The following DCAF7 variants were observed in gnomAD, a reference collection of about 807,000 sequenced individuals.
The protein encoded by DCAF7 is DDB1 and CUL4 associated factor 7, also known as DDB1- and CUL4-associated factor 7.
DCAF7 carries 4 observed loss-of-function variants against 41.2 expected under a neutral mutation model. The observed-to-expected ratio is 0.10, with a 90% CI of 0.05 to 0.22. The LOEUF (loss-of-function observed/expected upper bound fraction) is 0.22, where lower values mean the gene tolerates loss of function less well. DCAF7 is among the 10% of genes least tolerant of loss of function. DCAF7 has a pLI of 1.00. For synonymous variants in DCAF7, 143 were observed against 164.2 expected (o/e 0.87, Z 0.99); for missense variants, 131 against 443.2 (o/e 0.30, Z 6.32).
At chr17:63,578,763 A>G (rs554807594) in intron 2 of DCAF7, 135 bp downstream of exon 2, 679 of 1,254,826 alleles carry the variant, frequency 5.4e-4, no homozygotes, top group Admixed American at 2.5e-3. Flanking sequence ...AGCGAAGCTT[A>G]AATGGACTGG....
intron 1 of DCAF7, among the ~76,000 whole-genome samples, chr17:63,555,793 A>G (rs1164991133): frequency 6.6e-6 from 1 of 152,364 alleles, no homozygotes; most frequent in East Asian, 1.9e-4. Context: ...AATGCTTTAA[A>G]AAAAAATGCT....
At chr17:63,561,822 AT>A (rs1050220655) in intron 1 of DCAF7, among the ~76,000 whole-genome samples, 2 of 152,138 alleles carry the variant, frequency 1.3e-5, no homozygotes, top group African/African-American at 4.8e-5. Flanking sequence ...TAGAAAAAAA[AT>A]TTTTTTAAGT....
Position 63,562,397 on chromosome 17 carries a change from T to TAA in DCAF7, c.138+11582_138+11583insAA, listed in dbSNP as rs562425208. On this transcript the variant is annotated intron_variant, in intron 1 of 6. Transcript: ENST00000614556. ...GGGGGTGCGCACGGACACTCATTAA[T>TAA]TAATTCCAGAGTCAACAAAGGAAAA... Among the ~76,000 whole-genome samples the TAA allele has an allele frequency of 2.8e-3, 420 of 152,330 alleles. 3 individuals carry two copies. Among genetic ancestry groups the TAA allele is most frequent in the African/African-American group, 9.4e-3 (391 of 41,572 alleles).
intron 1 of DCAF7, among the ~76,000 whole-genome samples, chr17:63,564,715 G>A (rs189907003): frequency 2.6e-5 from 4 of 152,356 alleles, no homozygotes; most frequent in African/African-American, 9.6e-5. Flanking sequence ...AGAGAGCCAT[G>A]GGACATGTCT....
At chr17:63,581,316 T>A (rs2147775627) in intron 4 of DCAF7, among the ~76,000 whole-genome samples, 1 of 152,320 alleles carries the variant, frequency 6.6e-6, no homozygotes, top group East Asian at 1.9e-4. Context: ...CTTAAGTATT[T>A]GAACTGCAGG....
chr17:63,557,799 A>G (rs1352382074), intron 1 of DCAF7, among the ~76,000 whole-genome samples: 16 of 152,246 alleles, frequency 1.1e-4, no homozygotes, highest in Admixed American at 6.5e-5. Flanking sequence ...GATAAGTTCA[A>G]ATTGGCATGA....
At chr17:63,580,507 C>CTTT (rs530801174) in intron 4 of DCAF7, among the ~76,000 whole-genome samples, 23 of 43,896 alleles carry the variant, frequency 5.2e-4, no homozygotes, top group Non-Finnish European at 6.8e-4. Flanking sequence ...TTTGTGATTG[C>CTTT]TTTTTTTTTT....
In DCAF7 at chr17:63,570,601, G is replaced by A. The variant is rs536434453; in HGVS notation, c.139-7869G>A. Among the ~76,000 whole-genome samples, 35 of 152,152 alleles carry A rather than the reference G, an allele frequency of 2.3e-4. 1 individual carries two copies. Among genetic ancestry groups the A allele is most frequent in the Non-Finnish European group, 1.2e-4 (8 of 68,028 alleles). The stretch of plus-strand genomic sequence containing the variant: ...AAACAGGCATTTGCATAGTTAGGTG[G>A]TAAGAGTGTAAATTGCAAGGCAAGT... On this transcript the variant is annotated intron_variant, in intron 1 of 6. Coordinates refer to ENST00000614556, the MANE Select transcript of DCAF7 (RefSeq NM_005828.5).
At chr17:63,579,530 T>C in intron 3 of DCAF7, 82 bp downstream of exon 3, 1 of 1,034,256 alleles carries the variant, frequency 9.7e-7, no homozygotes, top group Non-Finnish European at 1.4e-6. Flanking sequence ...CCATACATCC[T>C]AGAACAAGGC....
In DCAF7 at chr17:63,550,536, G is replaced by A. The variant is rs2033236670; in HGVS notation, c.-142G>A. ...TCGGGCTCGGCCGTCGTCGTTGTTT[G>A]TCGCCGCATCCCCGCTTCCGGGTTA... On this transcript the variant is annotated 5_prime_UTR_variant, in exon 1 of 7. Transcript: ENST00000614556. The surrounding 1 kb of genome is among the most constrained non-coding windows in gnomAD (Gnocchi z 4.8). 1 of 1,333,588 alleles carries A rather than the reference G, an allele frequency of 7.5e-7. No individual in the cohort carries two copies. The highest frequency in any genetic ancestry group is 2.8e-5 in the Admixed American group (1 of 35,910). 82.6% of individuals were successfully genotyped at this position (1,333,588 alleles called of 1,614,324 possible).
chr17:63,580,473 T>C (rs1190587426), intron 4 of DCAF7, among the ~76,000 whole-genome samples: 1 of 151,850 alleles, frequency 6.6e-6, no homozygotes, highest in Non-Finnish European at 1.5e-5. Flanking sequence ...CTTCTGTGTT[T>C]ATTGGGAAAA....
chr17:63,562,532 TTTATTTTTTATTA>T (rs1042240470), intron 1 of DCAF7, among the ~76,000 whole-genome samples: 48 of 151,016 alleles, frequency 3.2e-4, no homozygotes, highest in African/African-American at 1.1e-3. Context: ...TTTTTTATTT[TTTATTTTTTATTA>T]TTATTATTAT....
chr17:63,579,860 G>A lies in DCAF7; in HGVS notation c.445G>A (p.Gly149Arg). The A allele has an allele frequency of 6.2e-7, 1 of 1,613,912 alleles. No homozygotes were observed. The highest frequency in any genetic ancestry group is 8.5e-7 in the Non-Finnish European group (1 of 1,179,850). ...SSIDTTCTIW[G>R]LETGQVLGRV... is the part of the protein sequence containing the mutation. Reference sequence around the variant, plus strand: ...CATTGATACGACATGCACCATCTGGGGGCTGGAGACAGGGCAGGTGTTAGG... The same window carrying A: ...CATTGATACGACATGCACCATCTGGAGGCTGGAGACAGGGCAGGTGTTAGG... The change falls in exon 4 of 7, where the codon GGG (glycine) becomes AGG (arginine). Residue 149 changes from glycine (G) to arginine (R), a missense_variant. Gly to Arg is a moderately radical substitution (Grantham distance 125). Coordinates refer to ENST00000614556, the MANE Select transcript of DCAF7 (RefSeq NM_005828.5).
chr17:63,564,946 C>T (rs993301340), intron 1 of DCAF7, among the ~76,000 whole-genome samples: 1 of 152,204 alleles, frequency 6.6e-6, no homozygotes, highest in Non-Finnish European at 1.5e-5. Flanking sequence ...AATGAGAGTG[C>T]TACTAACAAT....
rs373858630 is a variant in DCAF7 at position 63,583,125 on chromosome 17, G to A, written c.529-377G>A. Reference sequence around the variant, plus strand: ...TGATGATCTAGGCCTTAATGAGCTCGTAGACCTGCCTCTGATTGTGCACAA... The same window carrying A: ...TGATGATCTAGGCCTTAATGAGCTCATAGACCTGCCTCTGATTGTGCACAA... On this transcript the variant is annotated intron_variant, in intron 4 of 6. Coordinates refer to ENST00000614556, the MANE Select transcript of DCAF7 (RefSeq NM_005828.5). Among the ~76,000 whole-genome samples the A allele has an allele frequency of 6.2e-4, 94 of 152,280 alleles. No homozygotes were observed. In the Middle Eastern group the frequency reaches 0.017, roughly 28 times the overall value.
rs557400239 is a variant in DCAF7 at position 63,585,892 on chromosome 17, C to G, written c.856+564C>G. On this transcript the variant is annotated intron_variant, in intron 6 of 6. Transcript: ENST00000614556. ...ATCCCAGCACTTTGGGAGGCTGAGG[C>G]GGGTGGATCACCTGAGGTCAGGAGT... Among the ~76,000 whole-genome samples, 11 of 151,944 alleles carry G rather than the reference C, an allele frequency of 7.2e-5. No individual in the cohort carries two copies. The South Asian group carries it at 2.3e-3, about 32-fold the overall frequency.
intron 1 of DCAF7, among the ~76,000 whole-genome samples, chr17:63,574,261 C>G (rs1467068553): frequency 6.6e-6 from 1 of 152,064 alleles, no homozygotes. Context: ...CTCAGGTGCC[C>G]CATTTGAATT....
intron 4 of DCAF7, 90 bp downstream of exon 4, chr17:63,580,033 A>G (rs1598035073): frequency 4.4e-6 from 4 of 902,022 alleles, no homozygotes; most frequent in East Asian, 2.7e-5. Context: ...TTGTTCTGCA[A>G]TTTATGTAGA....
At chr17:63,564,335 AT>A (rs2033418395) in intron 1 of DCAF7, among the ~76,000 whole-genome samples, 4 of 152,356 alleles carry the variant, frequency 2.6e-5, no homozygotes, top group Admixed American at 1.3e-4. Context: ...AGAGGATATA[AT>A]GGTAAGGGGT....
Sources: gnomAD v4.1 joint callset for allele counts (sites outside exome capture counted in the v4.1 genomes callset) on GRCh38, gnomAD v4.1.1 for gene constraint, Gnocchi (gnomAD v3.1) non-coding constraint, MANE v1.5 for transcripts, NCBI Gene and HGNC (gene_info 2026-07-23, HGNC 2026-07-21) for gene names.